DGKB: variants seen among roughly 807,000 people sequenced by gnomAD.
The protein encoded by DGKB is 90 kDa diacylglycerol kinase.
DGKB carries 67 observed loss-of-function variants against 114.3 expected under a neutral mutation model. That is an observed-to-expected ratio of 0.59 (90% CI 0.48 to 0.72). The LOEUF is 0.72. Ranked by LOEUF, DGKB falls within the 30% of genes least tolerant of loss-of-function variation. DGKB has a pLI of 0.00. For synonymous variants in DGKB, 398 were observed against 323.1 expected, an observed-to-expected ratio of 1.23 and a Z score of -2.49; for missense variants, 907 against 975.2, an observed-to-expected ratio of 0.93 and a Z score of 0.93.
At position 14,651,078 on chromosome 7, in the gene DGKB, G is replaced by A. The variant is rs1046570447; in HGVS notation, c.1135-20810C>T. Among the ~76,000 whole-genome samples the A allele has an allele frequency of 7.6e-3, 1,163 of 152,208 alleles. 12 individuals are homozygous for A. Among genetic ancestry groups the A allele is most frequent in the Non-Finnish European group, 0.012 (844 of 68,010 alleles). On this transcript the variant is annotated intron_variant, in intron 13 of 25. Transcript: ENST00000402815. The stretch of plus-strand genomic sequence containing the variant: ...AATTCTACCAGAGGTACAAGGAGGA[G>A]CTGGTACCATTCCTTCTGAAACTAT...
intron 13 of DGKB, among the ~76,000 whole-genome samples, chr7:14,653,520 G>A (rs527381831): frequency 6.6e-6 from 1 of 152,052 alleles, no homozygotes; most frequent in African/African-American, 2.4e-5. Flanking sequence ...TGGGGGTAGG[G>A]GGGAGGGATA....
intron 23 of DGKB, among the ~76,000 whole-genome samples, chr7:14,285,250 C>A (rs1800692444): frequency 6.6e-6 from 1 of 152,138 alleles, no homozygotes; most frequent in Non-Finnish European, 1.5e-5. Flanking sequence ...TAGGTGGGTG[C>A]TACAAAGTTG....
chr7:14,380,852 C>G (rs538846669), intron 21 of DGKB, among the ~76,000 whole-genome samples: 1 of 152,306 alleles, frequency 6.6e-6, no homozygotes, highest in East Asian at 1.9e-4. Context: ...TTAGGCAGAA[C>G]AGCTACCAAC....
intron 4 of DGKB, among the ~76,000 whole-genome samples, chr7:14,746,751 G>A (rs1394032816): frequency 1.3e-5 from 2 of 151,982 alleles, no homozygotes; most frequent in African/African-American, 4.8e-5. Flanking sequence ...CATCTGCCTC[G>A]GCCTCCCAAA....
intron 1 of DGKB, among the ~76,000 whole-genome samples, chr7:14,938,275 G>A (rs1587418386): frequency 1.3e-5 from 2 of 152,196 alleles, no homozygotes; most frequent in South Asian, 4.1e-4. Flanking sequence ...AAATGGCTCT[G>A]AATATAATTT....
chr7:14,203,673 C>T (rs1786279214), intron 23 of DGKB, among the ~76,000 whole-genome samples: 1 of 151,886 alleles, frequency 6.6e-6, no homozygotes, highest in Admixed American at 6.6e-5. Flanking sequence ...TTTTATAGAG[C>T]ACATCCTGCA....
At chr7:14,494,574 A>T (rs1785039400) in intron 20 of DGKB, among the ~76,000 whole-genome samples, 1 of 151,956 alleles carries the variant, frequency 6.6e-6, no homozygotes, top group Non-Finnish European at 1.5e-5. Flanking sequence ...GCATTCACTT[A>T]TTAAGAATGA....
chr7:14,183,800 G>A (rs1350927170), intron 23 of DGKB, among the ~76,000 whole-genome samples: 3 of 152,150 alleles, frequency 2.0e-5, no homozygotes, highest in Admixed American at 6.5e-5. Context: ...TCATCATGGC[G>A]GACAGGAGGC....
At chr7:14,384,493 TACAG>T (rs140100258) in intron 21 of DGKB, among the ~76,000 whole-genome samples, 2,332 of 152,284 alleles carry the variant, frequency 0.015, 58 homozygotes, top group African/African-American at 0.051. Flanking sequence ...TCTGGATTCA[TACAG>T]ACAATGTTTG....
At chr7:14,744,461 A>C (rs148879381) in intron 4 of DGKB, among the ~76,000 whole-genome samples, 1 of 152,122 alleles carries the variant, frequency 6.6e-6, no homozygotes, top group Admixed American at 6.5e-5. Context: ...ATCTGTAATG[A>C]GTAAAGAATG....
chr7:14,154,582 A>G (rs1307988413), intron 25 of DGKB, among the ~76,000 whole-genome samples: 1 of 152,022 alleles, frequency 6.6e-6, no homozygotes, highest in African/African-American at 2.4e-5. Flanking sequence ...GTAAATGTTA[A>G]CTATTAGTAA....
chr7:14,563,139 G>A (rs756641105), intron 20 of DGKB, among the ~76,000 whole-genome samples: 2 of 152,098 alleles, frequency 1.3e-5, no homozygotes, highest in African/African-American at 4.8e-5. Context: ...ACCATGTAAG[G>A]CACGCCTTTG....
chr7:14,788,630 A>T (rs548670226), intron 2 of DGKB, among the ~76,000 whole-genome samples: 1 of 152,252 alleles, frequency 6.6e-6, no homozygotes, highest in South Asian at 2.1e-4. Context: ...TGCAGAAATT[A>T]TTTAAACTAG....
Position 14,465,623 on chromosome 7 carries a change from A to G in DGKB, c.1835+12538T>C, listed in dbSNP as rs547186505. On this transcript the variant is annotated intron_variant, in intron 21 of 25. Coordinates refer to ENST00000402815, the MANE Select transcript of DGKB (RefSeq NM_001350709.2). ...CCCCAGGTTGATGCCATTAGTATCA[A>G]TCCTCATTACACTGATTAGAAAATT... 3.3e-5 allele frequency among the ~76,000 whole-genome samples: 5 copies of G among 152,294 alleles called. No homozygotes were observed. The East Asian group carries it at 9.7e-4, about 29-fold the overall frequency.
chr7:14,610,650 C>T (rs1295068501), intron 16 of DGKB, among the ~76,000 whole-genome samples: 1 of 151,986 alleles, frequency 6.6e-6, no homozygotes, highest in Non-Finnish European at 1.5e-5. Context: ...AATATCTGCT[C>T]ATATCACCTA....
intron 2 of DGKB, among the ~76,000 whole-genome samples, chr7:14,807,207 C>G: frequency 6.6e-6 from 1 of 151,978 alleles, no homozygotes; most frequent in East Asian, 1.9e-4. Flanking sequence ...TCTCTAACTG[C>G]AGGAGTTCTA....
chr7:14,342,459 C>T (rs923600044), intron 22 of DGKB, among the ~76,000 whole-genome samples: 1 of 151,742 alleles, frequency 6.6e-6, no homozygotes, highest in Non-Finnish European at 1.5e-5. Flanking sequence ...AAAATATTTT[C>T]TTGTAATTTT....
intron 2 of DGKB, among the ~76,000 whole-genome samples, chr7:14,816,063 G>C (rs576544347): frequency 6.6e-6 from 1 of 152,278 alleles, no homozygotes; most frequent in East Asian, 1.9e-4. Flanking sequence ...GGGCACAGTG[G>C]CTCACGTCTG....
At chr7:14,642,458 T>G (rs990981745) in intron 13 of DGKB, among the ~76,000 whole-genome samples, 1 of 152,124 alleles carries the variant, frequency 6.6e-6, no homozygotes, top group Admixed American at 6.6e-5. Flanking sequence ...GCATTGGCAG[T>G]TGATAGAAAA....
Sources: gnomAD v4.1 joint callset for allele counts (sites outside exome capture counted in the v4.1 genomes callset) on GRCh38, gnomAD v4.1.1 for gene constraint, MANE v1.5 for transcripts, NCBI Gene and HGNC (gene_info 2026-07-23, HGNC 2026-07-21) for gene names.